TCOF1: variants seen among roughly 807,000 people sequenced by gnomAD.
The protein encoded by TCOF1 is treacle ribosome biogenesis factor 1.
A neutral mutation model predicts 149.0 loss-of-function variants in TCOF1; 33 were observed. The observed-to-expected ratio is 0.22, with a 90% CI of 0.17 to 0.30. The LOEUF is 0.30. Ranked by LOEUF, TCOF1 falls within the 10% of genes least tolerant of loss-of-function variation. The pLI, the probability that TCOF1 is intolerant of heterozygous loss-of-function variation, is 1.00. For missense variants in TCOF1, 1,728 were observed against 1,840.7 expected (o/e 0.94, Z 1.12); for synonymous variants, 789 against 738.8 (o/e 1.07, Z -1.10).
chr5:150,367,809 A>G (rs1161417826), intron 3 of TCOF1, 35 bp from the exon 4 acceptor site: 1 of 1,612,962 alleles, frequency 6.2e-7, no homozygotes, highest in Non-Finnish European at 8.5e-7. Flanking sequence ...AGAAAAGCTC[A>G]TCTGGCTCCT....
At position 150,365,585 on chromosome 5, in the gene TCOF1, A is replaced by G. The variant is rs561924343; in HGVS notation, c.304+1333A>G. On this transcript the variant is annotated intron_variant, in intron 3 of 26. Transcript: ENST00000643257. ...TTCAAACATGTATTCTTACATGCATATATACAGACCTGCATGCTATTTGAA... is the reference window on the plus strand; with the variant it reads ...TTCAAACATGTATTCTTACATGCATGTATACAGACCTGCATGCTATTTGAA... Among the ~76,000 whole-genome samples the G allele has an allele frequency of 9.9e-5, 15 of 152,272 alleles. No homozygotes were observed. In the South Asian group the frequency reaches 2.9e-3, roughly 29 times the overall value.
chr5:150,368,604 T>C, intron 4 of TCOF1, 112 bp from the exon 5 acceptor site: 2 of 1,285,796 alleles, frequency 1.6e-6, no homozygotes, highest in Non-Finnish European at 2.3e-6. Context: ...AGGGGTAGTT[T>C]ACCCAAACTC....
chr5:150,384,076 T>G (rs996641903), intron 17 of TCOF1: 2 of 1,302,738 alleles, frequency 1.5e-6, no homozygotes, highest in African/African-American at 3.0e-5. Context: ...CCTGGAGTTC[T>G]GCAACCTCCA....
intron 20 of TCOF1, 100 bp from the exon 21 acceptor site, chr5:150,391,857 C>T (rs777539867): frequency 8.6e-5 from 107 of 1,245,152 alleles, no homozygotes; most frequent in Non-Finnish European, 1.2e-4. Context: ...CATGTGTGCC[C>T]CATCTAACAC....
intron 1 of TCOF1, 77 bp downstream of exon 1, chr5:150,357,931 C>G: frequency 6.7e-7 from 1 of 1,483,542 alleles, no homozygotes; most frequent in South Asian, 1.2e-5. Flanking sequence ...CGCCCCGTCC[C>G]CAGGCGACCC....
intron 11 of TCOF1, 23 bp from the exon 12 acceptor site, chr5:150,375,698 C>G (rs767066178): frequency 6.2e-7 from 1 of 1,614,132 alleles, no homozygotes; most frequent in South Asian, 1.1e-5. Flanking sequence ...CTCCCTCTCC[C>G]GATCCTGTGT....
Position 150,392,686 on chromosome 5 carries a change from G to A in TCOF1, c.3518-19G>A. 6.2e-7 allele frequency: 1 copy of A among 1,613,582 alleles called. No homozygotes were observed. On this transcript the variant is annotated intron_variant, in intron 21 of 26. Transcript: ENST00000643257. ...CAGGGGCCACCTGGGGCTACCAACAGGATACTGTGCTTCTCCAGTAGGTCC... is the reference window on the plus strand; with the variant it reads ...CAGGGGCCACCTGGGGCTACCAACAAGATACTGTGCTTCTCCAGTAGGTCC...
At position 150,374,251 on chromosome 5, in the gene TCOF1, C is replaced by G; in HGVS notation, c.948C>G (p.Thr316=). The G allele has an allele frequency of 6.2e-7, 1 of 1,609,250 alleles. No homozygotes were observed. Among genetic ancestry groups the G allele is most frequent in the Non-Finnish European group, 8.5e-7 (1 of 1,177,816 alleles). The change falls in exon 8 of 27, where the codon ACC becomes ACG. Residue 316 remains threonine (T), a synonymous_variant. Coordinates refer to ENST00000643257, the MANE Select transcript of TCOF1 (RefSeq NM_001371623.1). ...PAKGTPGKGA[T]PAPPGKAGAV... is the part of the protein sequence containing the mutation. ...AGGGGACCCCTGGGAAAGGGGCTACCCCAGCACCCCCTGGGAAGGCAGGGG... is the reference window on the plus strand; with the variant it reads ...AGGGGACCCCTGGGAAAGGGGCTACGCCAGCACCCCCTGGGAAGGCAGGGG...
At chr5:150,388,154 G>A in intron 18 of TCOF1, 66 bp downstream of exon 18, 2 of 1,602,916 alleles carry the variant, frequency 1.2e-6, no homozygotes, top group South Asian at 2.2e-5. Flanking sequence ...AGGCCCAGAA[G>A]GGACAGGACA....
rs144667249 is a variant in TCOF1, at chr5:150,367,553, C to T, written c.305-291C>T. Reference sequence around the variant, plus strand: ...CCCAGTAGGCAGCAAGAATGTGGGCCAGTCCTTTTCCCTCCAGGGGCCTCC... The same window carrying T: ...CCCAGTAGGCAGCAAGAATGTGGGCTAGTCCTTTTCCCTCCAGGGGCCTCC... On this transcript the variant is annotated intron_variant, in intron 3 of 26. Transcript: ENST00000643257. The T allele has an allele frequency of 2.8e-3, 1,176 of 425,542 alleles. 7 individuals carry two copies. Among genetic ancestry groups the T allele is most frequent in the African/African-American group, 0.021 (1,056 of 49,264 alleles). 26.4% of individuals were successfully genotyped at this position (425,542 alleles called of 1,614,324 possible). A position where few individuals can be genotyped will look rare whatever the true frequency, so the allele number is the denominator to read the frequency against.
At chr5:150,374,909 A>G in intron 9 of TCOF1, 45 bp from the exon 10 acceptor site, 1 of 1,613,692 alleles carries the variant, frequency 6.2e-7, no homozygotes, top group Non-Finnish European at 8.5e-7. Flanking sequence ...CTGTCTCCAC[A>G]CGTCCACCCT....
intron 6 of TCOF1, among the ~76,000 whole-genome samples, chr5:150,370,242 A>G (rs1034186326): frequency 1.3e-5 from 2 of 152,362 alleles, no homozygotes; most frequent in East Asian, 3.9e-4. Flanking sequence ...GATGGCTGCT[A>G]TGAAGTGGAA....
In TCOF1 at chr5:150,379,593, C is replaced by A. The variant is rs1162500083; in HGVS notation, c.2720C>A (p.Pro907His). 1.9e-6 allele frequency: 3 copies of A among 1,614,014 alleles called. No individual in the cohort carries two copies. The highest frequency in any genetic ancestry group is 1.6e-4 in the Middle Eastern group (1 of 6,084). ...GCCTTGGCTCCTGCCAAGGAGTCCC[C>A]CAGGAAAGGGGCTGCCCCAACACCT... Reference protein sequence around the residue: ...RAALAPAKESPRKGAAPTPPG... With the variant: ...RAALAPAKESHRKGAAPTPPG... The change falls in exon 17 of 27, where the codon CCC (proline) becomes CAC (histidine). Residue 907 changes from proline (P) to histidine (H), a missense_variant. Physicochemically the swap from Pro to His is moderately conservative, Grantham distance 77. Transcript: ENST00000643257.
intron 2 of TCOF1, among the ~76,000 whole-genome samples, chr5:150,363,166 T>C (rs1037298445): frequency 6.6e-5 from 10 of 152,212 alleles, no homozygotes; most frequent in Admixed American, 4.6e-4. Flanking sequence ...GCAATATTCT[T>C]GATATAGCTG....
chr5:150,389,119 TTATACA>T (rs1766878446), intron 18 of TCOF1, among the ~76,000 whole-genome samples: 1 of 152,170 alleles, frequency 6.6e-6, no homozygotes, highest in South Asian at 2.1e-4. Context: ...ATACATATAC[TTATACA>T]TATATGTGTG....
intron 11 of TCOF1, 31 bp downstream of exon 11, chr5:150,375,585 T>C (rs759114367): frequency 9.3e-6 from 15 of 1,613,538 alleles, no homozygotes; most frequent in Non-Finnish European, 7.6e-6. Flanking sequence ...GCTCTTTCTT[T>C]TTCCCCCCCA....
intron 17 of TCOF1, chr5:150,384,367 T>C: frequency 1.0e-6 from 1 of 985,656 alleles, no homozygotes; most frequent in Non-Finnish European, 1.2e-6. Context: ...CTCAGAGAAG[T>C]TGAGGGACCT....
At chr5:150,366,019 G>T (rs1312069673) in intron 3 of TCOF1, among the ~76,000 whole-genome samples, 1 of 151,646 alleles carries the variant, frequency 6.6e-6, no homozygotes, top group African/African-American at 2.4e-5. Context: ...TGCCTAGGAG[G>T]CCTGAGGTGG....
chr5:150,376,663 C>T (rs1763877237), intron 14 of TCOF1, 43 bp downstream of exon 14: 2 of 1,544,282 alleles, frequency 1.3e-6, no homozygotes, highest in East Asian at 2.4e-5. Context: ...CACACCTGTT[C>T]CTGAGCCAGG....
Sources: allele counts gnomAD v4.1 joint callset (sites outside exome capture counted in the v4.1 genomes callset), GRCh38; gene constraint gnomAD v4.1.1; transcripts MANE v1.5; gene names NCBI Gene and HGNC (gene_info 2026-07-23, HGNC 2026-07-21).